The following OMA1 variants were observed in gnomAD, a reference collection of about 807,000 sequenced individuals.
OMA1 encodes metalloendopeptidase OMA1, mitochondrial.
OMA1 carries 38 observed loss-of-function variants against 30.9 expected under a neutral mutation model. The observed-to-expected ratio is 1.23, with a 90% CI of 0.95 to 1.61. The LOEUF is 1.61. Among genes scored for constraint, OMA1 ranks in the 40% most tolerant of loss-of-function variants. The pLI is 0.00. For synonymous variants in OMA1, 173 were observed against 121.9 expected, an observed-to-expected ratio of 1.42 and a Z score of -2.76; for missense variants, 461 against 349.2, an observed-to-expected ratio of 1.32 and a Z score of -2.55.
chr1:58,492,504 T>C (rs1389309591), intron 8 of OMA1, among the ~76,000 whole-genome samples: 3 of 151,880 alleles, frequency 2.0e-5, no homozygotes, highest in Non-Finnish European at 4.4e-5. Flanking sequence ...ATCAACAAAA[T>C]TGATAGACCA....
intron 7 of OMA1, among the ~76,000 whole-genome samples, chr1:58,511,193 C>CT (rs1646071407): frequency 6.6e-6 from 1 of 152,166 alleles, no homozygotes; most frequent in Non-Finnish European, 1.5e-5. Flanking sequence ...AAGAGTAAGA[C>CT]TAGAGGCATC....
chr1:58,480,797 T>C lies in OMA1; in HGVS notation c.*168A>G. ...TAACATAGATTAAAATACATCAATATTTCATGAAAAATAAATTCTAGAAGA... is the reference window on the plus strand; with the variant it reads ...TAACATAGATTAAAATACATCAATACTTCATGAAAAATAAATTCTAGAAGA... On this transcript the variant is annotated 3_prime_UTR_variant, in exon 9 of 9. Coordinates refer to ENST00000371226, the MANE Select transcript of OMA1 (RefSeq NM_145243.5). 2.0e-6 allele frequency: 1 copy of C among 511,760 alleles called. No individual in the cohort carries two copies. The highest frequency in any genetic ancestry group is 3.4e-5 in the South Asian group (1 of 29,582). The allele number at this position is 511,760 out of a possible 1,614,324, so 31.7% of individuals were successfully genotyped here.
At chr1:58,542,655 T>C (rs1646640141) in intron 1 of OMA1, 1 of 152,174 alleles carries the variant, frequency 6.6e-6, no homozygotes. Flanking sequence ...GAAGTCAAAC[T>C]GCAAAAACAA....
At chr1:58,511,361 T>C (rs887165425) in intron 7 of OMA1, among the ~76,000 whole-genome samples, 1 of 151,994 alleles carries the variant, frequency 6.6e-6, no homozygotes, top group Non-Finnish European at 1.5e-5. Context: ...AAATATACAA[T>C]GGGAGGCCAG....
Position 58,534,239 on chromosome 1 carries a change from A to G in OMA1, c.822T>C (p.Asn274=), listed in dbSNP as rs776863178. The G allele has an allele frequency of 5.6e-5, 49 of 871,898 alleles. No individual in the cohort carries two copies. Among genetic ancestry groups the G allele is most frequent in the Non-Finnish European group, 8.0e-6 (4 of 501,528 alleles). The allele number at this position is 871,898 out of a possible 1,614,324, so 54.0% of individuals were successfully genotyped here. A position where few individuals can be genotyped will look rare whatever the true frequency, so the allele number is the denominator to read the frequency against. ...TCTGAGAGATCCCTGGAACATCTTT[A>G]TTGCATTCAATTAGATGACAAAGCA... ...KEVLCHLIEC[N]KDVPGISQIN... The change falls in exon 4 of 9, where the codon AAT becomes AAC. Residue 274 remains asparagine, a synonymous_variant. Transcript: ENST00000371226.
chr1:58,504,700 G>T (rs954813041), intron 8 of OMA1, among the ~76,000 whole-genome samples: 1 of 152,138 alleles, frequency 6.6e-6, no homozygotes, highest in East Asian at 1.9e-4. Flanking sequence ...CCTAATGAAT[G>T]AATAAATCTT....
chr1:58,492,068 C>A (rs1645704332), intron 8 of OMA1, among the ~76,000 whole-genome samples: 3 of 152,210 alleles, frequency 2.0e-5, no homozygotes, highest in Admixed American at 6.5e-5. Flanking sequence ...AACTGTCTCT[C>A]AGACCACAGT....
At chr1:58,509,811 G>A (rs564918034) in intron 7 of OMA1, among the ~76,000 whole-genome samples, 206 of 151,878 alleles carry the variant, frequency 1.4e-3, no homozygotes, top group Non-Finnish European at 1.3e-3. Context: ...ACACATTACA[G>A]CATACCATTG....
intron 8 of OMA1, among the ~76,000 whole-genome samples, chr1:58,488,153 C>T (rs1479965431): frequency 6.6e-6 from 1 of 152,062 alleles, no homozygotes; most frequent in Non-Finnish European, 1.5e-5. Context: ...AATATAACTA[C>T]ATCATTATAA....
intron 1 of OMA1, 21 bp from the exon 2 acceptor site, chr1:58,539,331 T>C (rs1343413520): frequency 3.8e-6 from 3 of 781,626 alleles, no homozygotes; most frequent in South Asian, 1.6e-5. Context: ...AAAAAAACTA[T>C]AAATATCTGT....
chr1:58,487,040 G>T (rs1645588250), intron 8 of OMA1, among the ~76,000 whole-genome samples: 1 of 152,198 alleles, frequency 6.6e-6, no homozygotes, highest in Non-Finnish European at 1.5e-5. Flanking sequence ...ACATTACAAT[G>T]ATCACTCTGG....
intron 5 of OMA1, among the ~76,000 whole-genome samples, chr1:58,533,701 C>T (rs1388981): frequency 0.58 from 88,229 of 151,942 alleles, 27,911 homozygotes; most frequent in East Asian, 0.82. Context: ...AGAATAATTA[C>T]GTTTTAGCAA....
intron 8 of OMA1, among the ~76,000 whole-genome samples, chr1:58,498,175 C>A (rs988721417): frequency 5.3e-5 from 8 of 151,720 alleles, no homozygotes; most frequent in African/African-American, 1.9e-4. Context: ...GCTCATTAAG[C>A]TATTCAAATT....
intron 7 of OMA1, among the ~76,000 whole-genome samples, chr1:58,510,555 T>G (rs539788934): frequency 6.6e-6 from 1 of 152,178 alleles, no homozygotes; most frequent in South Asian, 2.1e-4. Flanking sequence ...TTCCTCTAAG[T>G]CTAGGAACAA....
At position 58,536,863 on chromosome 1, in the gene OMA1, GA is replaced by G. The variant is rs1382369084; in HGVS notation, c.501-123del. The G allele has an allele frequency of 8.0e-6, 5 of 624,788 alleles. No homozygotes were observed. In the Admixed American group the frequency reaches 1.4e-4, roughly 18 times the overall value. 38.7% of individuals were successfully genotyped at this position (624,788 alleles called of 1,614,324 possible). A position where few individuals can be genotyped will look rare whatever the true frequency, so the allele number is the denominator to read the frequency against. ...CTGAATTTGTATGATGTATTTCGCT[GA>G]ATACATCGCTTTTCCAATTAATAAA... On this transcript the variant is annotated intron_variant, in intron 2 of 8. Coordinates refer to ENST00000371226, the MANE Select transcript of OMA1 (RefSeq NM_145243.5).
intron 7 of OMA1, among the ~76,000 whole-genome samples, chr1:58,523,545 C>T (rs1646300279): frequency 1.3e-5 from 2 of 152,256 alleles, no homozygotes; most frequent in African/African-American, 2.4e-5. Flanking sequence ...ACCATTTGGA[C>T]GCCTTCAGTG....
intron 8 of OMA1, among the ~76,000 whole-genome samples, chr1:58,497,928 AG>A (rs1331306515): frequency 2.0e-4 from 30 of 152,192 alleles, no homozygotes; most frequent in African/African-American, 7.2e-4. Context: ...CCAGGTATAC[AG>A]GAAGTATACA....
Position 58,481,048 on chromosome 1 carries a change from T to A in OMA1, c.1492A>T (p.Lys498Ter). Residue 498 changes from lysine (K) to a stop codon, truncating the protein, a stop_gained, in exon 9 of 9, where the codon AAA becomes TAA. Coordinates refer to ENST00000371226, the MANE Select transcript of OMA1 (RefSeq NM_145243.5). LOFTEE classifies it high-confidence loss of function. Reference sequence around the variant, plus strand: ...ATAGGAAGAGTATCCATTTTCTGTTTCTTCGTGATATTTAGGTCTTCTTTC... The same window carrying A: ...ATAGGAAGAGTATCCATTTTCTGTTACTTCGTGATATTTAGGTCTTCTTTC... ...SEKEDLNITK[K>*]QKMDTLPIQK... 1 of 872,096 alleles carries A rather than the reference T, an allele frequency of 1.1e-6. No individual in the cohort carries two copies. The highest frequency in any genetic ancestry group is 2.0e-6 in the Non-Finnish European group (1 of 501,298). 54.0% of individuals were successfully genotyped at this position (872,096 alleles called of 1,614,324 possible). A position where few individuals can be genotyped will look rare whatever the true frequency, so the allele number is the denominator to read the frequency against.
chr1:58,510,911 TAA>T (rs1243771780), intron 7 of OMA1, among the ~76,000 whole-genome samples: 1 of 151,834 alleles, frequency 6.6e-6, no homozygotes, highest in African/African-American at 2.4e-5. Flanking sequence ...TAAACCAAAC[TAA>T]GGAGGTGAAA....
Sources: allele counts gnomAD v4.1 joint callset (sites outside exome capture counted in the v4.1 genomes callset), GRCh38; gene constraint gnomAD v4.1.1; transcripts MANE v1.5; gene names NCBI Gene and HGNC (gene_info 2026-07-23, HGNC 2026-07-21).